SMAD3: variants seen among roughly 807,000 people sequenced by gnomAD.
The protein encoded by SMAD3 is SMAD family member 3, also known as MAD homolog 3.
SMAD3 carries 12 observed loss-of-function variants against 51.8 expected under a neutral mutation model. That is an observed-to-expected ratio of 0.23 (90% CI 0.15 to 0.38). The LOEUF is 0.38. Ranked by LOEUF, SMAD3 falls within the 10% of genes least tolerant of loss-of-function variation. The probability of loss-of-function intolerance (pLI) is 1.00; values close to 1 mark genes in which losing one functional copy is unlikely to be tolerated. For synonymous variants in SMAD3, 238 were observed against 227.7 expected (o/e 1.05, Z -0.41); for missense variants, 294 against 565.6 (o/e 0.52, Z 4.87).
intron 1 of SMAD3, among the ~76,000 whole-genome samples, chr15:67,138,869 T>A (rs1319489911): frequency 2.0e-5 from 3 of 152,236 alleles, no homozygotes; most frequent in Non-Finnish European, 2.9e-5. Context: ...TCAGGGAAGA[T>A]ATGAAATATA....
At chr15:67,133,228 A>G (rs981569549) in intron 1 of SMAD3, among the ~76,000 whole-genome samples, 24 of 152,152 alleles carry the variant, frequency 1.6e-4, no homozygotes, top group Non-Finnish European at 1.0e-4. Flanking sequence ...CATTGGCTGA[A>G]CTGCTGGTGA....
chr15:67,091,659 A>G (rs896504011), intron 1 of SMAD3, among the ~76,000 whole-genome samples: 3 of 152,190 alleles, frequency 2.0e-5, no homozygotes, highest in African/African-American at 7.2e-5. Context: ...TCTGTTTTAT[A>G]TATTAATAAT....
chr15:67,128,475 C>G (rs2096226352), intron 1 of SMAD3, among the ~76,000 whole-genome samples: 1 of 152,066 alleles, frequency 6.6e-6, no homozygotes, highest in African/African-American at 2.4e-5. Context: ...GTGTAAAACC[C>G]AGGAACATAG....
chr15:67,190,473 G>A lies in SMAD3; in HGVS notation c.1215G>A (p.Gln405=). Reference sequence around the variant, plus strand: ...AGCTGCACCTGAATGGGCCTTTGCAGTGGCTTGACAAGGTCCTCACCCAGA... The same window carrying A: ...AGCTGCACCTGAATGGGCCTTTGCAATGGCTTGACAAGGTCCTCACCCAGA... ...WIELHLNGPL[Q]WLDKVLTQMG... is the part of the protein sequence containing the mutation. The change falls in exon 9 of 9, where the codon CAG becomes CAA. Residue 405 remains glutamine, a synonymous_variant. Coordinates refer to ENST00000327367, the MANE Select transcript of SMAD3 (RefSeq NM_005902.4). 6.2e-7 allele frequency: 1 copy of A among 1,614,060 alleles called. No individual in the cohort carries two copies. The highest frequency in any genetic ancestry group is 8.5e-7 in the Non-Finnish European group (1 of 1,179,950).
chr15:67,165,795 C>T (rs1245412120), intron 3 of SMAD3, among the ~76,000 whole-genome samples: 3 of 152,170 alleles, frequency 2.0e-5, no homozygotes, highest in Non-Finnish European at 2.9e-5. Context: ...TCTGTAAATT[C>T]GCCTGGGCAT....
intron 5 of SMAD3, 124 bp downstream of exon 5, chr15:67,170,728 G>T: frequency 1.2e-6 from 1 of 806,940 alleles, no homozygotes. Flanking sequence ...GCCCAGCTCA[G>T]CCCATCAGGT....
chr15:67,171,667 T>C (rs114075601), intron 5 of SMAD3, among the ~76,000 whole-genome samples: 2,136 of 152,296 alleles, frequency 0.014, 63 homozygotes, highest in African/African-American at 0.049. Flanking sequence ...AAGAAACTCA[T>C]CATTTGGAAT....
chr15:67,088,139 A>T (rs1377372627), intron 1 of SMAD3, among the ~76,000 whole-genome samples: 1 of 152,198 alleles, frequency 6.6e-6, no homozygotes, highest in Admixed American at 6.5e-5. Flanking sequence ...GAGGAGTGAT[A>T]AAGTGCTGCT....
At chr15:67,182,658 T>C (rs1963090829) in intron 6 of SMAD3, among the ~76,000 whole-genome samples, 1 of 151,840 alleles carries the variant, frequency 6.6e-6, no homozygotes, top group Non-Finnish European at 1.5e-5. Flanking sequence ...AGGTCTGTGC[T>C]CTCATTTTCT....
intron 1 of SMAD3, among the ~76,000 whole-genome samples, chr15:67,141,082 C>G (rs573717194): frequency 5.0e-4 from 76 of 152,278 alleles, no homozygotes; most frequent in South Asian, 2.9e-3. Flanking sequence ...TGTTTTTGAC[C>G]TCCAGCCCAG....
At chr15:67,120,777 C>G (rs925525914) in intron 1 of SMAD3, among the ~76,000 whole-genome samples, 1 of 152,192 alleles carries the variant, frequency 6.6e-6, no homozygotes, top group Non-Finnish European at 1.5e-5. Flanking sequence ...CCCTCTGGCC[C>G]GTGGGCCGCA....
intron 1 of SMAD3, among the ~76,000 whole-genome samples, chr15:67,103,800 C>G (rs537984523): frequency 6.6e-6 from 1 of 152,342 alleles, no homozygotes; most frequent in Admixed American, 6.5e-5. Flanking sequence ...ACCGTTTCGG[C>G]TTTGACATTA....
intron 1 of SMAD3, chr15:67,099,010 G>A (rs1330796499): frequency 2.8e-6 from 2 of 701,994 alleles, no homozygotes; most frequent in Non-Finnish European, 5.2e-6. Flanking sequence ...TATGTCCTGA[G>A]CGAGGATCAA....
At position 67,191,785 on chromosome 15, in the gene SMAD3, G is replaced by T. The variant is rs757346607; in HGVS notation, c.*1249G>T. ...TTACACCTTTGAAAATTGCAGGCTT[G>T]GTACAAAGAGGTCTGTCATCTTCCC... On this transcript the variant is annotated 3_prime_UTR_variant, in exon 9 of 9. Coordinates refer to ENST00000327367, the MANE Select transcript of SMAD3 (RefSeq NM_005902.4). The T allele has an allele frequency of 4.3e-6, 1 of 230,364 alleles. No homozygotes were observed. Among genetic ancestry groups the T allele is most frequent in the Non-Finnish European group, 8.6e-6 (1 of 116,166 alleles). The allele number at this position is 230,364 out of a possible 1,614,324, so 14.3% of individuals were successfully genotyped here. A position where few individuals can be genotyped will look rare whatever the true frequency, so the allele number is the denominator to read the frequency against.
chr15:67,137,097 C>T (rs1237949203), intron 1 of SMAD3, among the ~76,000 whole-genome samples: 1 of 152,194 alleles, frequency 6.6e-6, no homozygotes, highest in Non-Finnish European at 1.5e-5. Flanking sequence ...AGTCCTGGTT[C>T]CTTCAAGGAA....
At chr15:67,149,938 ATGGTCATTTCCCACCC>A (rs2140275550) in intron 1 of SMAD3, among the ~76,000 whole-genome samples, 1 of 152,332 alleles carries the variant, frequency 6.6e-6, no homozygotes, top group East Asian at 1.9e-4. Flanking sequence ...TTCAAGAAAC[ATGGTCATTTCCCACCC>A]TTCCTTTACT....
intron 1 of SMAD3, among the ~76,000 whole-genome samples, chr15:67,152,024 A>T (rs1188437572): frequency 6.6e-6 from 1 of 152,180 alleles, no homozygotes; most frequent in Non-Finnish European, 1.5e-5. Flanking sequence ...ATTTGAAGCT[A>T]TATAATATAT....
intron 8 of SMAD3, among the ~76,000 whole-genome samples, chr15:67,189,381 T>C (rs1432865438): frequency 6.6e-6 from 1 of 152,220 alleles, no homozygotes; most frequent in Non-Finnish European, 1.5e-5. Context: ...CTGTTCCTGG[T>C]GTGGCATTGC....
chr15:67,189,711 C>T (rs1963311159), intron 8 of SMAD3, among the ~76,000 whole-genome samples: 1 of 152,234 alleles, frequency 6.6e-6, no homozygotes, highest in Non-Finnish European at 1.5e-5. Context: ...AGCAGATAGC[C>T]TTTGCTCAGT....
Sources: allele counts gnomAD v4.1 joint callset (sites outside exome capture counted in the v4.1 genomes callset), GRCh38; gene constraint gnomAD v4.1.1; transcripts MANE v1.5; gene names NCBI Gene and HGNC (gene_info 2026-07-23, HGNC 2026-07-21).